HERC6: variants seen among roughly 807,000 people sequenced by gnomAD.
The protein encoded by HERC6 is HECT and RLD domain containing E3 ubiquitin protein ligase family member 6.
Under a neutral mutation model 114.5 loss-of-function variants are expected in HERC6, and 101 were observed. The observed-to-expected ratio is 0.88, with a 90% CI of 0.75 to 1.04. The LOEUF (loss-of-function observed/expected upper bound fraction) is 1.04. Among genes scored for constraint, HERC6 ranks in the 50% least tolerant of loss-of-function variants. The pLI is 0.00. For missense variants in HERC6, 1,133 were observed against 1,230.9 expected (o/e 0.92, Z 1.19); for synonymous variants, 408 against 436.2 (o/e 0.94, Z 0.81).
intron 12 of HERC6, among the ~76,000 whole-genome samples, chr4:88,414,937 T>C (rs529444920): frequency 6.6e-6 from 1 of 151,838 alleles, no homozygotes; most frequent in South Asian, 2.1e-4. Flanking sequence ...CAAGATGGAG[T>C]TGCTCTGGTT....
intron 17 of HERC6, among the ~76,000 whole-genome samples, chr4:88,433,982 AT>A (rs1336977702): frequency 6.6e-6 from 1 of 152,236 alleles, no homozygotes; most frequent in Non-Finnish European, 1.5e-5. Flanking sequence ...GCAAGCATTT[AT>A]TTAATGTTTC....
intron 5 of HERC6, among the ~76,000 whole-genome samples, chr4:88,394,577 C>G (rs1042389119): frequency 6.7e-6 from 1 of 150,052 alleles, no homozygotes; most frequent in Non-Finnish European, 1.5e-5. Flanking sequence ...CAGAATCTCG[C>G]TCAGTCGCCC....
intron 16 of HERC6, among the ~76,000 whole-genome samples, chr4:88,430,861 C>A (rs1738128400): frequency 6.6e-6 from 1 of 152,124 alleles, no homozygotes; most frequent in African/African-American, 2.4e-5. Flanking sequence ...TGAAGAACAT[C>A]AAAATTTGGT....
intron 19 of HERC6, 131 bp from the exon 20 acceptor site, chr4:88,437,580 A>G (rs1042488647): frequency 5.8e-5 from 38 of 651,210 alleles, no homozygotes; most frequent in Admixed American, 8.9e-5. Context: ...GCTGAACTAC[A>G]TAAAAAATTA....
chr4:88,382,162 A>G (rs1218485409), intron 1 of HERC6, among the ~76,000 whole-genome samples: 1 of 152,202 alleles, frequency 6.6e-6, no homozygotes, highest in African/African-American at 2.4e-5. Flanking sequence ...TGAAAAAGAT[A>G]AGATTACAAA....
At chr4:88,401,477 C>T (rs1166414527) in intron 8 of HERC6, among the ~76,000 whole-genome samples, 4 of 135,816 alleles carry the variant, frequency 2.9e-5, no homozygotes, top group Non-Finnish European at 4.6e-5. Flanking sequence ...GGCGACAGAA[C>T]GAGACTCCAT....
intron 11 of HERC6, among the ~76,000 whole-genome samples, chr4:88,411,791 G>A (rs1360284461): frequency 6.6e-6 from 1 of 152,210 alleles, no homozygotes; most frequent in South Asian, 2.1e-4. Flanking sequence ...CCCTGGGGCT[G>A]TAAAATCCTC....
In HERC6 at chr4:88,404,924, C is replaced by G. The variant is rs202101437; in HGVS notation, c.1141C>G (p.Arg381Gly). ...CGGGAAAACCCTGCCAGAAATAAGC[C>G]GAATTAGCCAGTCCATGGCAGAAAA... The part of the protein sequence containing the change: ...APGKTLPEIS[R>G]ISQSMAEKWI... The change falls in exon 9 of 23, where the codon CGA becomes GGA. Residue 381 changes from arginine to glycine, a missense_variant. Physicochemically the swap from Arg to Gly is moderately radical, Grantham distance 125. Coordinates refer to ENST00000264346, the MANE Select transcript of HERC6 (RefSeq NM_017912.4). 4 of 1,613,668 alleles carry G rather than the reference C, an allele frequency of 2.5e-6. No homozygotes were observed. Among genetic ancestry groups the G allele is most frequent in the South Asian group, 2.2e-5 (2 of 91,068 alleles).
At chr4:88,425,085 A>G (rs1252300838) in intron 15 of HERC6, among the ~76,000 whole-genome samples, 4 of 152,154 alleles carry the variant, frequency 2.6e-5, no homozygotes, top group African/African-American at 9.7e-5. Context: ...TATTCCTTCC[A>G]AAGTCATTTC....
intron 1 of HERC6, among the ~76,000 whole-genome samples, chr4:88,380,336 AATATATATATAATATAAAT>A (rs1734228459): frequency 6.5e-5 from 2 of 30,964 alleles, no homozygotes; most frequent in Admixed American, 6.8e-4. Context: ...ATAATATATA[AATATATATATAATATAAAT>A]ATATATATAA....
Position 88,396,942 on chromosome 4 carries a change from G to C in HERC6, c.979G>C (p.Ala327Pro), listed in dbSNP as rs371020554. The C allele has an allele frequency of 1.2e-6, 2 of 1,612,410 alleles. No individual in the cohort carries two copies. The highest frequency in any genetic ancestry group is 3.3e-5 in the Admixed American group (2 of 59,868). ...CACAAGCAAGCCAACTCATCCGGAG[G>C]CCCTGACAGAGAACTTTGACATTAG... ...SDTSKPTHPEALTENFDISCL... is the reference protein window; with the variant it reads ...SDTSKPTHPEPLTENFDISCL... The change falls in exon 7 of 23, where the codon GCC becomes CCC. Residue 327 changes from alanine to proline, a missense_variant. Around this residue, in one of 3 missense-constraint regions of HERC6, gnomAD observed 735 missense variants for 754.0 expected, o/e 0.97. Coordinates refer to ENST00000264346, the MANE Select transcript of HERC6 (RefSeq NM_017912.4).
At chr4:88,407,681 AATTACAGGCATGACCCACTGCC>A in intron 10 of HERC6, among the ~76,000 whole-genome samples, 2 of 152,068 alleles carry the variant, frequency 1.3e-5, no homozygotes, top group African/African-American at 4.8e-5. Context: ...AAAGTGTTGG[AATTACAGGCATGACCCACTGCC>A]GCTGGCATAC....
intron 8 of HERC6, 58 bp downstream of exon 8, chr4:88,398,267 G>T: frequency 1.9e-6 from 2 of 1,060,076 alleles, no homozygotes; most frequent in South Asian, 1.7e-5. Flanking sequence ...ATTTCAGACC[G>T]GTATTTGAAA....
At chr4:88,387,759 T>G (rs1578370366) in intron 3 of HERC6, among the ~76,000 whole-genome samples, 1 of 152,224 alleles carries the variant, frequency 6.6e-6, no homozygotes, top group South Asian at 2.1e-4. Flanking sequence ...GAAGATACCC[T>G]GTATACCTTG....
intron 15 of HERC6, among the ~76,000 whole-genome samples, chr4:88,427,480 C>A (rs1737748950): frequency 1.3e-5 from 2 of 152,098 alleles, no homozygotes; most frequent in Non-Finnish European, 1.5e-5. Flanking sequence ...AGGTGATGAC[C>A]CACCACCAGA....
Position 88,398,123 on chromosome 4 carries a change from A to C in HERC6, c.1025-19A>C. On this transcript the variant is annotated intron_variant, in intron 7 of 22. Coordinates refer to ENST00000264346, the MANE Select transcript of HERC6 (RefSeq NM_017912.4). ...TTACTTCTAGAAACTCTAAGCATGG[A>C]TTTATGACTTTCTTTTAGACTTCGT... 6.5e-7 allele frequency: 1 copy of C among 1,531,816 alleles called. No homozygotes were observed. Among genetic ancestry groups the C allele is most frequent in the Non-Finnish European group, 8.8e-7 (1 of 1,134,508 alleles). 94.9% of individuals were successfully genotyped at this position (1,531,816 alleles called of 1,614,324 possible). A position where few individuals can be genotyped will look rare whatever the true frequency, so the allele number is the denominator to read the frequency against.
At chr4:88,387,823 C>T (rs1734665667) in intron 3 of HERC6, among the ~76,000 whole-genome samples, 1 of 152,220 alleles carries the variant, frequency 6.6e-6, no homozygotes, top group East Asian at 1.9e-4. Context: ...CTTTTCCTTT[C>T]TCACACTCCT....
intron 11 of HERC6, among the ~76,000 whole-genome samples, chr4:88,409,424 A>G (rs1735972915): frequency 6.6e-6 from 1 of 152,202 alleles, no homozygotes; most frequent in Admixed American, 6.5e-5. Flanking sequence ...TTGGGGCCGA[A>G]AGAGGGGGCT....
rs142359657 is a variant in HERC6, at chr4:88,434,066, A to G, written c.2251-1659A>G. Among the ~76,000 whole-genome samples, 313 of 152,344 alleles carry G rather than the reference A, an allele frequency of 2.1e-3. 1 individual carries two copies. Among genetic ancestry groups the G allele is most frequent in the Admixed American group, 4.1e-3 (63 of 15,304 alleles). On this transcript the variant is annotated intron_variant, in intron 17 of 22. Transcript: ENST00000264346. ...ACATGACATAATCCCTTTCCTCCTGAAACTCTATAGATGTAGTTGTAGCAA... is the reference window on the plus strand; with the variant it reads ...ACATGACATAATCCCTTTCCTCCTGGAACTCTATAGATGTAGTTGTAGCAA...
Sources: gnomAD v4.1 joint callset for allele counts (sites outside exome capture counted in the v4.1 genomes callset) on GRCh38, gnomAD v4.1.1 for gene constraint, gnomAD v4.1.1 regional missense constraint, MANE v1.5 for transcripts, NCBI Gene and HGNC (gene_info 2026-07-23, HGNC 2026-07-21) for gene names.